Variants in FBXL13 observed in about 807,000 individuals in gnomAD.
FBXL13 encodes the protein F-box and leucine-rich repeat protein 13.
FBXL13 carries 67 observed loss-of-function variants against 83.6 expected under a neutral mutation model. The observed-to-expected ratio is 0.80, with a 90% CI of 0.66 to 0.98. The LOEUF is 0.98. Ranked by LOEUF, FBXL13 falls within the 50% of genes least tolerant of loss-of-function variation. FBXL13 has a pLI of 0.00. For synonymous variants in FBXL13, 272 were observed against 299.5 expected (o/e 0.91, Z 0.95); for missense variants, 822 against 866.5 (o/e 0.95, Z 0.64).
chr7:102,975,795 C>T, intron 6 of FBXL13: 1 of 598,988 alleles, frequency 1.7e-6, no homozygotes, highest in Non-Finnish European at 3.0e-6. Context: ...CACAACGAGA[C>T]TTTCTTAATT....
Position 103,012,289 on chromosome 7 carries a change from C to T in FBXL13, c.495+12774G>A, listed in dbSNP as rs191094079. On this transcript the variant is annotated intron_variant, in intron 6 of 19. Transcript: ENST00000313221. ...ACTCAGGAGGCTAAGGCAGGAGAAT[C>T]GCTTGAACCCAGGAGGCGGAGATTG... Among the ~76,000 whole-genome samples the T allele has an allele frequency of 9.3e-5, 14 of 151,326 alleles. No homozygotes were observed. In the East Asian group the frequency reaches 2.7e-3, roughly 30 times the overall value.
chr7:102,890,096 A>T (rs1205214077), intron 11 of FBXL13, among the ~76,000 whole-genome samples: 1 of 152,134 alleles, frequency 6.6e-6, no homozygotes, highest in Non-Finnish European at 1.5e-5. Context: ...AATATCCAAA[A>T]AGATATTTGG....
At chr7:102,899,636 G>A (rs1159593652) in intron 11 of FBXL13, among the ~76,000 whole-genome samples, 5 of 152,154 alleles carry the variant, frequency 3.3e-5, no homozygotes, top group African/African-American at 2.4e-5. Context: ...CCCTGAAGAT[G>A]GAATTTATGA....
intron 6 of FBXL13, among the ~76,000 whole-genome samples, chr7:102,989,464 G>GGGCCTCTCTCTCTCTACCCCTC (rs1226051462): frequency 6.6e-6 from 1 of 152,120 alleles, no homozygotes; most frequent in East Asian, 1.9e-4. Flanking sequence ...GAAACACTCT[G>GGGCCTCTCTCTCTCTACCCCTC]GGCCTCTCTC....
At chr7:102,925,626 A>C (rs775080187) in intron 10 of FBXL13, among the ~76,000 whole-genome samples, 1 of 152,002 alleles carries the variant, frequency 6.6e-6, no homozygotes, top group Non-Finnish European at 1.5e-5. Flanking sequence ...CAAAGTTGGT[A>C]ATCAGGATGT....
At chr7:102,908,517 T>A (rs954820619) in intron 11 of FBXL13, among the ~76,000 whole-genome samples, 1 of 152,218 alleles carries the variant, frequency 6.6e-6, no homozygotes, top group Non-Finnish European at 1.5e-5. Flanking sequence ...ATTGTAGTCT[T>A]CACTGCCTGG....
chr7:102,814,825 C>A (rs1797772110), intron 19 of FBXL13, among the ~76,000 whole-genome samples: 1 of 152,088 alleles, frequency 6.6e-6, no homozygotes, highest in Non-Finnish European at 1.5e-5. Flanking sequence ...TTTTTTAAAT[C>A]TTTTTTTAAG....
At chr7:102,914,413 T>C (rs1354700222) in intron 10 of FBXL13, among the ~76,000 whole-genome samples, 1 of 152,220 alleles carries the variant, frequency 6.6e-6, no homozygotes, top group African/African-American at 2.4e-5. Flanking sequence ...CACTACTATC[T>C]GCTCTTCTAA....
chr7:102,963,714 A>G (rs1585156821), intron 7 of FBXL13, 49 bp from the exon 9 acceptor site: 1 of 1,540,330 alleles, frequency 6.5e-7, no homozygotes, highest in Non-Finnish European at 8.7e-7. Flanking sequence ...GTCCCCAAAA[A>G]CAATTGCAAC....
intron 5 of FBXL13, 118 bp from the exon 7 acceptor site, chr7:103,025,348 G>A (rs139341243): frequency 5.5e-5 from 32 of 582,562 alleles, no homozygotes; most frequent in Non-Finnish European, 7.5e-5. Context: ...ATTTATGATC[G>A]TCATCATTAC....
chr7:102,854,705 T>C lies in FBXL13; in HGVS notation c.1719+72A>G, dbSNP rs1366670920. On this transcript the variant is annotated intron_variant, in intron 17 of 19. Coordinates refer to ENST00000313221, the Ensembl canonical transcript of FBXL13. ...ATTTCAATAAAAATAGTCCTTTTTA[T>C]TCATTGGAAAAAAAAGAAAAAAAGA... is the stretch of plus-strand genomic sequence containing the variant. The C allele has an allele frequency of 5.4e-6, 5 of 927,834 alleles. No homozygotes were observed. The African/African-American group carries it at 6.9e-5, about 13-fold the overall frequency. The allele number at this position is 927,834 out of a possible 1,614,324, so 57.5% of individuals were successfully genotyped here.
intron 16 of FBXL13, among the ~76,000 whole-genome samples, chr7:102,868,857 G>A (rs911236198): frequency 6.6e-6 from 1 of 152,126 alleles, no homozygotes; most frequent in East Asian, 1.9e-4. Flanking sequence ...TAGTAGAGAC[G>A]AGGTTTCGCC....
intron 16 of FBXL13, among the ~76,000 whole-genome samples, chr7:102,860,480 G>A (rs921235061): frequency 6.6e-6 from 1 of 152,156 alleles, no homozygotes; most frequent in Non-Finnish European, 1.5e-5. Context: ...GTGAGTTGTT[G>A]GGAAGTAGTT....
At chr7:102,860,314 T>C (rs1430034957) in intron 16 of FBXL13, among the ~76,000 whole-genome samples, 2 of 152,120 alleles carry the variant, frequency 1.3e-5, no homozygotes, top group African/African-American at 4.8e-5. Context: ...ATGCTTCCAG[T>C]TGGAAGAAAG....
At chr7:102,962,288 A>G (rs1010588095) in intron 8 of FBXL13, among the ~76,000 whole-genome samples, 8 of 152,220 alleles carry the variant, frequency 5.3e-5, no homozygotes, top group African/African-American at 1.7e-4. Context: ...ACAATGAGAT[A>G]TCATCTCACA....
At chr7:102,890,379 T>C (rs1267760260) in intron 11 of FBXL13, among the ~76,000 whole-genome samples, 1 of 152,194 alleles carries the variant, frequency 6.6e-6, no homozygotes, top group African/African-American at 2.4e-5. Context: ...ACTGGAGCCC[T>C]GCCACCCTGT....
chr7:102,936,952 A>C (rs1820441746), intron 8 of FBXL13, among the ~76,000 whole-genome samples: 1 of 152,094 alleles, frequency 6.6e-6, no homozygotes, highest in African/African-American at 2.4e-5. Flanking sequence ...CTCTTGAAAA[A>C]CATCAGCTTA....
intron 10 of FBXL13, among the ~76,000 whole-genome samples, chr7:102,915,122 AT>A (rs386410852): frequency 0.013 from 1,692 of 128,056 alleles, 12 homozygotes; most frequent in African/African-American, 0.026. Flanking sequence ...AGATTAAAAT[AT>A]TTTTTTTTTT....
intron 8 of FBXL13, among the ~76,000 whole-genome samples, chr7:102,932,595 C>T (rs746325027): frequency 0.012 from 30 of 2,560 alleles, 1 homozygote; most frequent in Non-Finnish European, 0.063. Flanking sequence ...TTGTTTGTTT[C>T]GTTTTTTTGA....
Sources: allele counts gnomAD v4.1 joint callset (sites outside exome capture counted in the v4.1 genomes callset), GRCh38; gene constraint gnomAD v4.1.1; transcripts MANE v1.5; gene names NCBI Gene and HGNC (gene_info 2026-07-23, HGNC 2026-07-21).